INPP4A: variants seen among roughly 807,000 people sequenced by gnomAD.
INPP4A encodes inositol polyphosphate-4-phosphatase type I A, also known as inositol polyphosphate-4-phosphatase, type I, 107kD.
INPP4A carries 33 observed loss-of-function variants against 119.8 expected under a neutral mutation model. That is an observed-to-expected ratio of 0.28 (90% confidence interval 0.21 to 0.37). The LOEUF is 0.37. Among genes scored for constraint, INPP4A ranks in the 10% least tolerant of loss-of-function variants. INPP4A has a pLI of 1.00. For missense variants in INPP4A, 956 were observed against 1,289.9 expected, an observed-to-expected ratio of 0.74 and a Z score of 3.97; for synonymous variants, 496 against 500.7, an observed-to-expected ratio of 0.99 and a Z score of 0.12.
intron 1 of INPP4A, among the ~76,000 whole-genome samples, chr2:98,460,959 G>GAA (rs1419936620): frequency 6.6e-6 from 1 of 152,206 alleles, no homozygotes; most frequent in Non-Finnish European, 1.5e-5. Flanking sequence ...CTGGTTTCTA[G>GAA]AAATGGTATT....
At chr2:98,562,604 C>T (rs1057047752) in intron 17 of INPP4A, among the ~76,000 whole-genome samples, 3 of 152,182 alleles carry the variant, frequency 2.0e-5, no homozygotes, top group African/African-American at 7.2e-5. Context: ...GGTGGATTCA[C>T]CAAGTGGTGA....
At chr2:98,485,994 G>A (rs1482497282) in intron 1 of INPP4A, among the ~76,000 whole-genome samples, 2 of 152,226 alleles carry the variant, frequency 1.3e-5, no homozygotes, top group Non-Finnish European at 2.9e-5. Flanking sequence ...TTAAACTAGA[G>A]TCAGGCCTGC....
At chr2:98,553,864 A>G (rs568419046) in intron 14 of INPP4A, among the ~76,000 whole-genome samples, 1 of 152,364 alleles carries the variant, frequency 6.6e-6, no homozygotes, top group South Asian at 2.1e-4. Flanking sequence ...CTGAGGAACA[A>G]AAGATAAGAC....
rs1481067292 is a variant in INPP4A, at chr2:98,444,989, T to G, written c.-262T>G. On this transcript the variant is annotated 5_prime_UTR_variant, in exon 1 of 25. Transcript: ENST00000409851. ...GAGGCCGGGCCCGCAGCCCGCGACTTCACAGCCAGGCGGCGGCGCTGCTGC... is the reference window on the plus strand; with the variant it reads ...GAGGCCGGGCCCGCAGCCCGCGACTGCACAGCCAGGCGGCGGCGCTGCTGC... 3.3e-5 allele frequency: 5 copies of G among 150,094 alleles called. No homozygotes were observed. The highest frequency in any genetic ancestry group is 7.4e-5 in the Non-Finnish European group (5 of 67,228). The allele number at this position is 150,094 out of a possible 1,614,324, so 9.3% of individuals were successfully genotyped here.
At position 98,591,000 on chromosome 2, in the gene INPP4A, T is replaced by C. The variant is rs1700369708; in HGVS notation, c.*3392T>C. The C allele has an allele frequency of 4.4e-6, 1 of 229,552 alleles. No homozygotes were observed. Among genetic ancestry groups the C allele is most frequent in the African/African-American group, 2.2e-5 (1 of 45,162 alleles). 14.2% of individuals were successfully genotyped at this position (229,552 alleles called of 1,614,324 possible). On this transcript the variant is annotated 3_prime_UTR_variant, in exon 25 of 25. Coordinates refer to ENST00000409851, the MANE Select transcript of INPP4A (RefSeq NM_001134225.2). ...GGAATGTTGATCTATTTCATATAGA[T>C]TGTTTTTAATATACAATGTATTAGC...
At chr2:98,565,518 C>A in intron 19 of INPP4A, 122 bp from the exon 20 acceptor site, 1 of 1,039,112 alleles carries the variant, frequency 9.6e-7, no homozygotes, top group Non-Finnish European at 1.3e-6. Context: ...ACTCCCCCTC[C>A]ACCAGAGCCA....
chr2:98,462,923 C>T (rs570847673), intron 1 of INPP4A, among the ~76,000 whole-genome samples: 2 of 152,194 alleles, frequency 1.3e-5, no homozygotes, highest in South Asian at 4.2e-4. Flanking sequence ...CTCACTGCAA[C>T]CTCCACCTCC....
At chr2:98,507,968 C>T (rs530757125) in intron 1 of INPP4A, among the ~76,000 whole-genome samples, 1 of 152,262 alleles carries the variant, frequency 6.6e-6, no homozygotes, top group South Asian at 2.1e-4. Flanking sequence ...CACTGCATCC[C>T]CTGGGTTGAG....
chr2:98,573,599 A>G (rs1291669051), intron 23 of INPP4A, among the ~76,000 whole-genome samples: 1 of 152,052 alleles, frequency 6.6e-6, no homozygotes, highest in Non-Finnish European at 1.5e-5. Flanking sequence ...TGCCCACCAC[A>G]CCTCAGCCAC....
intron 1 of INPP4A, among the ~76,000 whole-genome samples, chr2:98,451,872 A>T (rs1369847483): frequency 6.6e-6 from 1 of 152,214 alleles, no homozygotes; most frequent in Non-Finnish European, 1.5e-5. Context: ...GGAAACAAGG[A>T]TGCCCAGTTC....
intron 1 of INPP4A, among the ~76,000 whole-genome samples, chr2:98,475,202 A>T (rs77351470): frequency 0.032 from 4,938 of 152,128 alleles, 265 homozygotes; most frequent in African/African-American, 0.11. Flanking sequence ...CACTTGTGAG[A>T]TGCTGTCGGG....
intron 1 of INPP4A, among the ~76,000 whole-genome samples, chr2:98,446,347 TG>T (rs2104358509): frequency 6.6e-6 from 1 of 152,332 alleles, no homozygotes; most frequent in South Asian, 2.1e-4. Context: ...GGTTCTTTGC[TG>T]AAGTGTCGAC....
chr2:98,581,592 G>A, intron 24 of INPP4A: 2 of 1,549,376 alleles, frequency 1.3e-6, no homozygotes, highest in Non-Finnish European at 1.7e-6. Flanking sequence ...AACACGGGAG[G>A]TAGTCACCCA....
intron 1 of INPP4A, among the ~76,000 whole-genome samples, chr2:98,480,985 G>A (rs192594485): frequency 9.2e-5 from 14 of 152,346 alleles, no homozygotes; most frequent in African/African-American, 3.4e-4. Context: ...GCTGCAGGCT[G>A]TGCATTACCA....
At chr2:98,488,935 C>CTG (rs55758146) in intron 1 of INPP4A, among the ~76,000 whole-genome samples, 9,416 of 126,058 alleles carry the variant, frequency 0.075, 345 homozygotes, top group Non-Finnish European at 0.082. Flanking sequence ...AGTACATGCA[C>CTG]TGTGTGTGTG....
rs1680996149 is a variant in INPP4A, at chr2:98,492,405, C to T, written c.-165-26559C>T. Among the ~76,000 whole-genome samples, 10 of 152,314 alleles carry T rather than the reference C, an allele frequency of 6.6e-5. No individual in the cohort carries two copies. The South Asian group carries it at 2.1e-3, about 32-fold the overall frequency. On this transcript the variant is annotated intron_variant, in intron 1 of 24. Transcript: ENST00000409851. The stretch of plus-strand genomic sequence containing the variant: ...TTCTACCCAAGTTGTATCTCACTGG[C>T]CAGGAGCTGCTGCTAGAGATTTTCC...
At chr2:98,580,209 G>A (rs535646728) in intron 24 of INPP4A, among the ~76,000 whole-genome samples, 20 of 152,180 alleles carry the variant, frequency 1.3e-4, no homozygotes, top group African/African-American at 4.8e-4. Context: ...CTGGCTTTCT[G>A]GCTTGCATCT....
intron 8 of INPP4A, among the ~76,000 whole-genome samples, chr2:98,538,352 C>T (rs1299266478): frequency 6.6e-6 from 1 of 152,212 alleles, no homozygotes; most frequent in African/African-American, 2.4e-5. Context: ...CTCTCCCAGA[C>T]ACATGCATGC....
At chr2:98,495,077 CA>C (rs896681013) in intron 1 of INPP4A, among the ~76,000 whole-genome samples, 1 of 152,136 alleles carries the variant, frequency 6.6e-6, no homozygotes, top group Non-Finnish European at 1.5e-5. Context: ...AAAAAATAAG[CA>C]AACAAAAACA....
Sources: gnomAD v4.1 joint callset for allele counts (sites outside exome capture counted in the v4.1 genomes callset) on GRCh38, gnomAD v4.1.1 for gene constraint, MANE v1.5 for transcripts, NCBI Gene and HGNC (gene_info 2026-07-23, HGNC 2026-07-21) for gene names.